Variants in MTTP observed in about 807,000 individuals in gnomAD.
MTTP encodes the protein microsomal triglyceride transfer protein large subunit.
A neutral mutation model predicts 90.6 loss-of-function variants in MTTP; 49 were observed. The ratio of observed to expected loss-of-function variants is 0.54; its 90% CI spans 0.43 to 0.69. The LOEUF (loss-of-function observed/expected upper bound fraction) is 0.69. MTTP is among the 30% of genes least tolerant of loss of function. The pLI, the probability that MTTP is intolerant of heterozygous loss-of-function variation, is 0.00. For missense variants in MTTP, 945 were observed against 1,067.5 expected (o/e 0.89, Z 1.60); for synonymous variants, 347 against 384.2 (o/e 0.90, Z 1.13).
intron 8 of MTTP, among the ~76,000 whole-genome samples, chr4:99,599,439 A>T (rs1725644012): frequency 6.6e-6 from 1 of 152,200 alleles, no homozygotes; most frequent in Non-Finnish European, 1.5e-5. Context: ...ATGACCTTGA[A>T]CAAATGACTA....
In MTTP at chr4:99,613,153, G is replaced by A. The variant is rs1168333545; in HGVS notation, c.2217+13G>A. 6.2e-7 allele frequency: 1 copy of A among 1,602,894 alleles called. No homozygotes were observed. The highest frequency in any genetic ancestry group is 1.3e-5 in the African/African-American group (1 of 74,676). ...AGATCATTCTCAGGTAATTCATTCA[G>A]TCTGTGAGTATTTATTGAGTCCCTA... On this transcript the variant is annotated intron_variant, in intron 15 of 17. Coordinates refer to ENST00000265517, the MANE Select transcript of MTTP (RefSeq NM_001386140.1).
At chr4:99,583,262 G>C in intron 2 of MTTP, 112 bp from the exon 3 acceptor site, 1 of 1,205,264 alleles carries the variant, frequency 8.3e-7, no homozygotes, top group Non-Finnish European at 1.2e-6. Context: ...AAAAATGACA[G>C]AAGAAATTGT....
At chr4:99,572,820 A>G (rs148280423), upstream of MTTP, among the ~76,000 whole-genome samples, 602 of 152,244 alleles carry the variant, frequency 4.0e-3, 2 homozygotes, top group Non-Finnish European at 6.2e-3. Flanking sequence ...TTCTTATGTC[A>G]TCTGTAATGA....
At chr4:99,610,817 A>C (rs1051365507) in intron 12 of MTTP, among the ~76,000 whole-genome samples, 1 of 152,212 alleles carries the variant, frequency 6.6e-6, no homozygotes, top group Non-Finnish European at 1.5e-5. Flanking sequence ...AAGTGTATGC[A>C]CTATTAAACA....
chr4:99,620,911 C>G lies in MTTP; in HGVS notation c.2343-150C>G, dbSNP rs1026804483. 1.5e-5 allele frequency: 11 copies of G among 737,402 alleles called. No homozygotes were observed. In the East Asian group the frequency reaches 3.0e-4, roughly 20 times the overall value. 45.7% of individuals were successfully genotyped at this position (737,402 alleles called of 1,614,324 possible). A position where few individuals can be genotyped will look rare whatever the true frequency, so the allele number is the denominator to read the frequency against. ...CCAGGCCCTGGTTACCAGCAGAACT[C>G]TAAGCACATCCAGGTCACCTCTGAA... On this transcript the variant is annotated intron_variant, in intron 16 of 17. Transcript: ENST00000265517.
At chr4:99,605,226 T>TA (rs1275928555) in intron 10 of MTTP, among the ~76,000 whole-genome samples, 11 of 152,130 alleles carry the variant, frequency 7.2e-5, no homozygotes, top group South Asian at 2.1e-4. Flanking sequence ...TTCCTCTAGG[T>TA]AAAAAAAATC....
intron 1 of MTTP, among the ~76,000 whole-genome samples, chr4:99,581,179 C>T (rs1209026025): frequency 6.6e-6 from 1 of 152,156 alleles, no homozygotes. Context: ...GCTAGGTAAA[C>T]TGAATTGGAT....
intron 12 of MTTP, 82 bp downstream of exon 12, chr4:99,609,059 ATGTGG>A: frequency 5.3e-6 from 7 of 1,312,806 alleles, no homozygotes; most frequent in Non-Finnish European, 6.6e-6. Flanking sequence ...AATAATAATG[ATGTGG>A]TCATTATGCA....
At chr4:99,579,130 C>A (rs1725035632) in intron 1 of MTTP, among the ~76,000 whole-genome samples, 2 of 152,200 alleles carry the variant, frequency 1.3e-5, no homozygotes, top group Admixed American at 6.5e-5. Flanking sequence ...TTGGACACAG[C>A]TTGGTTTTGT....
chr4:99,622,354 G>C (rs1726257246), intron 17 of MTTP, among the ~76,000 whole-genome samples: 1 of 152,182 alleles, frequency 6.6e-6, no homozygotes, highest in African/African-American at 2.4e-5. Flanking sequence ...GTGCTCCCAA[G>C]GTGGGGCTTC....
intron 10 of MTTP, among the ~76,000 whole-genome samples, chr4:99,602,458 A>C (rs1007143205): frequency 3.9e-5 from 6 of 152,124 alleles, no homozygotes; most frequent in African/African-American, 1.4e-4. Flanking sequence ...TTATACAGCC[A>C]GTGTCCCATC....
At chr4:99,606,631 A>T in intron 10 of MTTP, 117 bp from the exon 11 acceptor site, 1 of 971,828 alleles carries the variant, frequency 1.0e-6, no homozygotes, top group Non-Finnish European at 1.7e-6. Context: ...TCAAGCAACC[A>T]ATGCAAAACT....
At chr4:99,604,428 A>G (rs2110227166) in intron 10 of MTTP, among the ~76,000 whole-genome samples, 1 of 152,256 alleles carries the variant, frequency 6.6e-6, no homozygotes, top group Non-Finnish European at 1.5e-5. Flanking sequence ...CTGAATTTGT[A>G]CTTGAAAAAA....
At chr4:99,607,106 A>G (rs1725837285) in intron 11 of MTTP, 146 bp downstream of exon 11, 1 of 712,098 alleles carries the variant, frequency 1.4e-6, no homozygotes, top group Non-Finnish European at 2.4e-6. Flanking sequence ...CTTAAATTGC[A>G]TTTGCGGCTA....
chr4:99,611,470 G>T lies in MTTP; in HGVS notation c.1989+17G>T. On this transcript the variant is annotated intron_variant, in intron 14 of 17. Transcript: ENST00000265517. The stretch of plus-strand genomic sequence containing the variant: ...GGTAGCCAGGTAACTCACTTCTCAT[G>T]GATTTTGCTTAATAAAGTATGCAAG... 6.2e-7 allele frequency: 1 copy of T among 1,613,672 alleles called. No homozygotes were observed. The highest frequency in any genetic ancestry group is 8.5e-7 in the Non-Finnish European group (1 of 1,179,724).
intron 8 of MTTP, 48 bp downstream of exon 8, chr4:99,597,272 G>A (rs1725581496): frequency 1.2e-6 from 2 of 1,603,092 alleles, no homozygotes; most frequent in African/African-American, 1.3e-5. Context: ...AAACATTTCT[G>A]GATTGTTGGT....
intron 8 of MTTP, among the ~76,000 whole-genome samples, chr4:99,599,362 A>G (rs983357654): frequency 6.6e-6 from 1 of 152,178 alleles, no homozygotes; most frequent in Non-Finnish European, 1.5e-5. Flanking sequence ...TTAAGAAACC[A>G]TGGACTCCAG....
At chr4:99,590,172 T>G (rs1289104921) in intron 4 of MTTP, among the ~76,000 whole-genome samples, 1 of 152,044 alleles carries the variant, frequency 6.6e-6, no homozygotes, top group Non-Finnish European at 1.5e-5. Flanking sequence ...CTCGGCTCAC[T>G]GCAACCTCTG....
At chr4:99,610,557 G>T (rs920019972) in intron 12 of MTTP, among the ~76,000 whole-genome samples, 2 of 152,150 alleles carry the variant, frequency 1.3e-5, no homozygotes, top group Admixed American at 6.5e-5. Context: ...AATCAGAAAT[G>T]AACATCTTAA....
Sources: allele counts gnomAD v4.1 joint callset (sites outside exome capture counted in the v4.1 genomes callset), GRCh38; gene constraint gnomAD v4.1.1; transcripts MANE v1.5; gene names NCBI Gene and HGNC (gene_info 2026-07-23, HGNC 2026-07-21).